The following UBE2U variants were observed in gnomAD, a reference collection of about 807,000 sequenced individuals.
The protein encoded by UBE2U is ubiquitin-conjugating enzyme E2 U.
Under a neutral mutation model 41.2 loss-of-function variants are expected in UBE2U, and 39 were observed. That is an observed-to-expected ratio of 0.95 (90% CI 0.73 to 1.24). The LOEUF (loss-of-function observed/expected upper bound fraction) is 1.24, where lower values mean the gene tolerates loss of function less well. UBE2U is among the 50% of genes most tolerant of loss of function. The pLI is 0.00. For missense variants in UBE2U, 336 were observed against 363.1 expected, an observed-to-expected ratio of 0.93 and a Z score of 0.61; for synonymous variants, 107 against 117.8, an observed-to-expected ratio of 0.91 and a Z score of 0.60.
chr1:64,249,581 A>G (rs778216227), intron 8 of UBE2U, among the ~76,000 whole-genome samples: 5 of 151,978 alleles, frequency 3.3e-5, no homozygotes, highest in Non-Finnish European at 7.4e-5. Context: ...GATGAAAGAA[A>G]TGGAAGATAT....
At chr1:64,204,551 A>G (rs141902801) in intron 1 of UBE2U, among the ~76,000 whole-genome samples, 73 of 152,310 alleles carry the variant, frequency 4.8e-4, no homozygotes, top group Middle Eastern at 6.8e-3. Context: ...CTAGTTCTTA[A>G]TTCCTGTGTT....
chr1:64,263,853 C>A (rs1010170987), intron 9 of UBE2U, among the ~76,000 whole-genome samples: 1 of 152,196 alleles, frequency 6.6e-6, no homozygotes, highest in Non-Finnish European at 1.5e-5. Context: ...ACTTCACAGA[C>A]ATGGTGGCTG....
rs148080742 is a variant in UBE2U, at chr1:64,253,955, A to T, written c.678-6648A>T. ...AAATGTGCTAAACGCCCCAAATAGA[A>T]GACATAGAGTGGCAAGCTGAATAAG... On this transcript the variant is annotated intron_variant, in intron 8 of 9. Transcript: ENST00000371077. Among the ~76,000 whole-genome samples, 356 of 152,282 alleles carry T rather than the reference A, an allele frequency of 2.3e-3. 2 individuals carry two copies. The highest frequency in any genetic ancestry group is 8.0e-3 in the African/African-American group (332 of 41,560).
intron 9 of UBE2U, among the ~76,000 whole-genome samples, chr1:64,265,033 A>C (rs1034318685): frequency 2.6e-5 from 4 of 152,148 alleles, no homozygotes; most frequent in African/African-American, 9.7e-5. Flanking sequence ...TGGGCACTTC[A>C]GGGGATGGTT....
chr1:64,206,908 T>G, intron 3 of UBE2U, 52 bp downstream of exon 3: 1 of 1,026,680 alleles, frequency 9.7e-7, no homozygotes, highest in South Asian at 1.5e-5. Flanking sequence ...CTATTATCCT[T>G]GTTTCTTATA....
intron 5 of UBE2U, among the ~76,000 whole-genome samples, chr1:64,217,989 CA>C (rs1652141829): frequency 1.3e-5 from 2 of 152,208 alleles, no homozygotes; most frequent in African/African-American, 4.8e-5. Context: ...AATTTTAAAG[CA>C]AATTGTCTCT....
chr1:64,239,177 AG>A (rs1404623163), intron 7 of UBE2U, among the ~76,000 whole-genome samples: 1 of 91,564 alleles, frequency 1.1e-5, no homozygotes, highest in Admixed American at 1.1e-4. Flanking sequence ...AAGAAGAAGA[AG>A]AAGAAGAAGA....
intron 8 of UBE2U, among the ~76,000 whole-genome samples, chr1:64,257,632 A>T (rs1453290439): frequency 6.6e-6 from 1 of 152,092 alleles, no homozygotes; most frequent in African/African-American, 2.4e-5. Flanking sequence ...GTGTTGGGGG[A>T]TGGAGAGCAT....
chr1:64,206,795 A>G lies in UBE2U; in HGVS notation c.180A>G (p.Thr60=), dbSNP rs35112334. The G allele has an allele frequency of 0.026, 41,476 of 1,603,706 alleles. 617 individuals are homozygous for G. Among genetic ancestry groups the G allele is most frequent in the Non-Finnish European group, 0.03 (35,422 of 1,172,878 alleles). ...GLVFQLTIHF[T]SEYNYAPPVV... ...TCTTCCAACTGACAATACATTTTAC[A>G]TCGGAGTACAACTATGCTCCTCCAG... The change falls in exon 3 of 10, where the codon ACA becomes ACG. Residue 60 remains threonine (T), a synonymous_variant. Coordinates refer to ENST00000371077, the MANE Select transcript of UBE2U (RefSeq NM_001366232.2).
At chr1:64,240,743 A>G (rs1385387740) in intron 7 of UBE2U, among the ~76,000 whole-genome samples, 1 of 152,190 alleles carries the variant, frequency 6.6e-6, no homozygotes, top group East Asian at 1.9e-4. Context: ...TGCTCAAAAC[A>G]AAATTTCTCT....
intron 6 of UBE2U, among the ~76,000 whole-genome samples, chr1:64,231,569 C>T (rs1276080584): frequency 1.3e-5 from 2 of 152,164 alleles, no homozygotes; most frequent in Admixed American, 6.5e-5. Context: ...AAAGTAACAA[C>T]ACTTTCGAAA....
At chr1:64,210,872 A>G (rs1391594836) in intron 4 of UBE2U, 33 bp downstream of exon 4, 5 of 1,429,944 alleles carry the variant, frequency 3.5e-6, no homozygotes, top group Non-Finnish European at 4.8e-6. Context: ...CCTCTCTTTA[A>G]TACTTTTAAT....
chr1:64,238,113 A>G (rs1263438207), intron 7 of UBE2U, among the ~76,000 whole-genome samples: 1 of 152,194 alleles, frequency 6.6e-6, no homozygotes, highest in African/African-American at 2.4e-5. Flanking sequence ...AGCATATAAT[A>G]AAAATTCTGG....
intron 6 of UBE2U, among the ~76,000 whole-genome samples, chr1:64,228,459 T>C (rs1653031398): frequency 6.6e-6 from 1 of 152,126 alleles, no homozygotes; most frequent in African/African-American, 2.4e-5. Flanking sequence ...CAGGAGTCTC[T>C]AGAACAGCTT....
chr1:64,257,506 C>T (rs1286052719), intron 8 of UBE2U, among the ~76,000 whole-genome samples: 1 of 152,168 alleles, frequency 6.6e-6, no homozygotes, highest in Non-Finnish European at 1.5e-5. Context: ...CAAACTAACA[C>T]AGGAACAGAA....
At chr1:64,239,065 AGAGGAAGAGGAAGAG>A (rs1557729334) in intron 7 of UBE2U, among the ~76,000 whole-genome samples, 5 of 67,482 alleles carry the variant, frequency 7.4e-5, no homozygotes, top group South Asian at 1.2e-3. Flanking sequence ...AAGAAGAAGA[AGAGGAAGAGGAAGAG>A]GAAGAGGAAG....
intron 8 of UBE2U, among the ~76,000 whole-genome samples, chr1:64,249,931 C>G (rs199539145): frequency 6.6e-6 from 1 of 151,892 alleles, no homozygotes; most frequent in African/African-American, 2.4e-5. Flanking sequence ...TCCCAAGAAA[C>G]AGAAATATAA....
Position 64,203,988 on chromosome 1 carries a change from A to G in UBE2U, c.-63A>G. The G allele has an allele frequency of 3.3e-6, 5 of 1,503,384 alleles. No individual in the cohort carries two copies. In the Admixed American group the frequency reaches 9.1e-5, roughly 27 times the overall value. The allele number at this position is 1,503,384 out of a possible 1,614,324, so 93.1% of individuals were successfully genotyped here. ...GTGGGAAAGTGACCCATAACTTCAAACATCTGCCTCAGAGTAAACCTGAGG... is the reference window on the plus strand; with the variant it reads ...GTGGGAAAGTGACCCATAACTTCAAGCATCTGCCTCAGAGTAAACCTGAGG... On this transcript the variant is annotated 5_prime_UTR_variant, in exon 1 of 10. Coordinates refer to ENST00000371077, the MANE Select transcript of UBE2U (RefSeq NM_001366232.2).
In UBE2U at chr1:64,232,113, C is replaced by A. The variant is rs933633988; in HGVS notation, c.507-448C>A. On this transcript the variant is annotated intron_variant, in intron 6 of 9. Transcript: ENST00000371077. ...GATTCTCTGTAAAAACTAAACTAATCTCAATTCTAATACTTGTATTCTGTC... is the reference window on the plus strand; with the variant it reads ...GATTCTCTGTAAAAACTAAACTAATATCAATTCTAATACTTGTATTCTGTC... 2.0e-5 allele frequency among the ~76,000 whole-genome samples: 3 copies of A among 152,154 alleles called. No individual in the cohort carries two copies. The South Asian group carries it at 6.2e-4, about 32-fold the overall frequency.
Sources: gnomAD v4.1 joint callset for allele counts (sites outside exome capture counted in the v4.1 genomes callset) on GRCh38, gnomAD v4.1.1 for gene constraint, MANE v1.5 for transcripts, NCBI Gene and HGNC (gene_info 2026-07-23, HGNC 2026-07-21) for gene names.